KCNQ1: variants seen among roughly 807,000 people sequenced by gnomAD.
KCNQ1 encodes the protein potassium voltage-gated channel subfamily KQT member 1.
KCNQ1 carries 49 observed loss-of-function variants against 72.4 expected under a neutral mutation model. That is an observed-to-expected ratio of 0.68 (90% confidence interval 0.54 to 0.86). The LOEUF (loss-of-function observed/expected upper bound fraction) is 0.86, where lower values mean the gene tolerates loss of function less well. KCNQ1 is among the 40% of genes least tolerant of loss of function. KCNQ1 has a pLI of 0.00. For missense variants in KCNQ1, 790 were observed against 945.1 expected (o/e 0.84, Z 2.15); for synonymous variants, 450 against 412.6 (o/e 1.09, Z -1.10).
chr11:2,770,411 G>A (rs1429823796), intron 12 of KCNQ1, among the ~76,000 whole-genome samples: 5 of 152,228 alleles, frequency 3.3e-5, no homozygotes, highest in Admixed American at 6.5e-5. Context: ...CGCTAGGCTC[G>A]TCGTCACTCT....
intron 10 of KCNQ1, chr11:2,643,812 A>G (rs1286072780): frequency 1.0e-5 from 4 of 398,432 alleles, no homozygotes; most frequent in African/African-American, 8.2e-5. Flanking sequence ...TTTTACTTTT[A>G]AGGGAAATAC....
At chr11:2,706,133 C>A (rs550473037) in intron 11 of KCNQ1, among the ~76,000 whole-genome samples, 1 of 152,220 alleles carries the variant, frequency 6.6e-6, no homozygotes, top group African/African-American at 2.4e-5. Context: ...TTTGACAATC[C>A]GTTCTTCCGG....
In KCNQ1 at chr11:2,735,173, G is replaced by T. The variant is rs912601213; in HGVS notation, c.1515-33671G>T. Among the ~76,000 whole-genome samples, 1 of 152,170 alleles carries T rather than the reference G, an allele frequency of 6.6e-6. No homozygotes were observed. The highest frequency in any genetic ancestry group is 2.1e-4 in the South Asian group (1 of 4,836). On this transcript the variant is annotated intron_variant, in intron 11 of 15. Transcript: ENST00000155840. This position sits in a 1 kb window ranked among gnomAD's most constrained non-coding sequence, Gnocchi z 7.7. The stretch of plus-strand genomic sequence containing the variant: ...CGCCGCAGCAGGACAGGGAGGGACT[G>T]TGTGTGAGAGCCAGGGAAGGGCTGC...
Position 2,777,044 on chromosome 11 carries a change from T to C in KCNQ1, c.1732+12T>C, listed in dbSNP as rs1328871342. On this transcript the variant is annotated intron_variant, in intron 14 of 15. Coordinates refer to ENST00000155840, the MANE Select transcript of KCNQ1 (RefSeq NM_000218.3). ...CATCTCCGTCTCAGGTGGGTTTCTGTGTCAGTTACTCTGGGCCCAGCAGCC... is the reference window on the plus strand; with the variant it reads ...CATCTCCGTCTCAGGTGGGTTTCTGCGTCAGTTACTCTGGGCCCAGCAGCC... 4 of 1,613,790 alleles carry C rather than the reference T, an allele frequency of 2.5e-6. No homozygotes were observed. In the African/African-American group the frequency reaches 4.0e-5, roughly 16 times the overall value.
At chr11:2,587,522 C>G (rs746244563) in intron 8 of KCNQ1, 48 bp from the exon 9 acceptor site, 2 of 1,612,280 alleles carry the variant, frequency 1.2e-6, no homozygotes, top group African/African-American at 1.3e-5. Flanking sequence ...TAAGGGCCCC[C>G]GCCGGGTGGC....
intron 15 of KCNQ1, among the ~76,000 whole-genome samples, chr11:2,789,891 G>T (rs1334439099): frequency 6.6e-6 from 1 of 152,164 alleles, no homozygotes; most frequent in Non-Finnish European, 1.5e-5. Context: ...GGTCTCCCCT[G>T]GGAGGACCAC....
intron 15 of KCNQ1, among the ~76,000 whole-genome samples, chr11:2,846,756 C>G (rs1004962162): frequency 6.6e-6 from 1 of 152,280 alleles, no homozygotes; most frequent in African/African-American, 2.4e-5. Context: ...CGGTGCTGTC[C>G]TTCCAAGGAG....
At position 2,720,311 on chromosome 11, in the gene KCNQ1, C is replaced by T. The variant is rs1851180778; in HGVS notation, c.1515-48533C>T. On this transcript the variant is annotated intron_variant, in intron 11 of 15. Transcript: ENST00000155840. The surrounding 1 kb of genome is among the most constrained non-coding windows in gnomAD (Gnocchi z 5.1). ...GTCCTGGCAGCTCTCCTCATCCATC[C>T]TATGTGTACACTCAGGCACGTACTC... 6.6e-6 allele frequency among the ~76,000 whole-genome samples: 1 copy of T among 152,164 alleles called. No individual in the cohort carries two copies. Among genetic ancestry groups the T allele is most frequent in the South Asian group, 2.1e-4 (1 of 4,820 alleles).
At chr11:2,719,814 C>T (rs900569343) in intron 11 of KCNQ1, among the ~76,000 whole-genome samples, 1 of 152,196 alleles carries the variant, frequency 6.6e-6, no homozygotes, top group Non-Finnish European at 1.5e-5. Flanking sequence ...GTGCTGGTTT[C>T]AGAGAAACAA....
chr11:2,662,583 A>G, intron 11 of KCNQ1: 1 of 419,486 alleles, frequency 2.4e-6, no homozygotes, highest in Non-Finnish European at 4.2e-6. Context: ...CCTGGGATGC[A>G]TGCCCGTCCT....
At chr11:2,718,713 C>T (rs1287026076) in intron 11 of KCNQ1, among the ~76,000 whole-genome samples, 1 of 152,186 alleles carries the variant, frequency 6.6e-6, no homozygotes, top group East Asian at 1.9e-4. Flanking sequence ...AGGGCAGTTG[C>T]AGTTAGGACC....
At chr11:2,751,721 C>T (rs75898263) in intron 11 of KCNQ1, among the ~76,000 whole-genome samples, 2,509 of 152,374 alleles carry the variant, frequency 0.016, 114 homozygotes, top group East Asian at 0.13. Context: ...TCTGCAGATG[C>T]GCTGTGTCCC....
At chr11:2,728,213 T>C (rs1291264892) in intron 11 of KCNQ1, among the ~76,000 whole-genome samples, 2 of 152,078 alleles carry the variant, frequency 1.3e-5, no homozygotes, top group Admixed American at 6.5e-5. Flanking sequence ...GAGCGGCCAC[T>C]CGCCCACCCT....
intron 2 of KCNQ1, among the ~76,000 whole-genome samples, chr11:2,568,031 G>A (rs1205424442): frequency 6.6e-6 from 1 of 152,184 alleles, no homozygotes; most frequent in Non-Finnish European, 1.5e-5. Flanking sequence ...CACTTTGGGA[G>A]GCCGAAGCAG....
intron 15 of KCNQ1, among the ~76,000 whole-genome samples, chr11:2,789,821 C>T (rs1378572252): frequency 2.0e-5 from 3 of 152,326 alleles, no homozygotes; most frequent in Admixed American, 6.5e-5. Flanking sequence ...AGTGATGTCA[C>T]GTGGAGGTGA....
intron 15 of KCNQ1, among the ~76,000 whole-genome samples, chr11:2,797,153 G>A (rs1460025626): frequency 7.0e-6 from 1 of 142,324 alleles, no homozygotes. Context: ...GCCGCTCCGG[G>A]CAGACCTGGG....
Position 2,550,763 on chromosome 11 carries a change from C to A in KCNQ1, c.478-19865C>A, listed in dbSNP as rs115823775. ...CACCAGGCTCAGCCCAGGACCAGAG[C>A]GCAAATAGGGCTGGAGTCCCGAGTA... On this transcript the variant is annotated intron_variant, in intron 2 of 15. Transcript: ENST00000155840. This position sits in a 1 kb window ranked among gnomAD's most constrained non-coding sequence, Gnocchi z 6.0. Among the ~76,000 whole-genome samples the A allele has an allele frequency of 6.6e-6, 1 of 152,088 alleles. No individual in the cohort carries two copies. The highest frequency in any genetic ancestry group is 2.4e-5 in the African/African-American group (1 of 41,388).
intron 2 of KCNQ1, among the ~76,000 whole-genome samples, chr11:2,545,169 A>G (rs568758520): frequency 2.0e-5 from 3 of 152,142 alleles, no homozygotes; most frequent in Non-Finnish European, 4.4e-5. Flanking sequence ...TTTGTATATC[A>G]CTGGACTTGA....
chr11:2,614,156 A>T (rs1271442422), intron 10 of KCNQ1: 1 of 398,358 alleles, frequency 2.5e-6, no homozygotes, highest in Non-Finnish European at 4.4e-6. Flanking sequence ...TCTACTCCAT[A>T]AATCGAATCT....
Sources: gnomAD v4.1 joint callset for allele counts (sites outside exome capture counted in the v4.1 genomes callset) on GRCh38, gnomAD v4.1.1 for gene constraint, Gnocchi (gnomAD v3.1) non-coding constraint, MANE v1.5 for transcripts, NCBI Gene and HGNC (gene_info 2026-07-23, HGNC 2026-07-21) for gene names.